Variants in CCDC158 observed in about 807,000 individuals in gnomAD.
CCDC158 encodes the protein coiled-coil domain-containing protein 158.
A neutral mutation model predicts 138.6 loss-of-function variants in CCDC158; 116 were observed. That is an observed-to-expected ratio of 0.84 (90% CI 0.72 to 0.98). The LOEUF is 0.98. Ranked by LOEUF, CCDC158 falls within the 50% of genes least tolerant of loss-of-function variation. The pLI is 0.00. For missense variants in CCDC158, 1,265 were observed against 1,306.1 expected, an observed-to-expected ratio of 0.97 and a Z score of 0.48; for synonymous variants, 436 against 442.4, an observed-to-expected ratio of 0.99 and a Z score of 0.18.
In CCDC158 at chr4:76,384,136, T is replaced by C. The variant is rs754279643; in HGVS notation, c.678A>G (p.Leu226=). 25 of 1,613,588 alleles carry C rather than the reference T, an allele frequency of 1.5e-5. No individual in the cohort carries two copies. Among genetic ancestry groups the C allele is most frequent in the Non-Finnish European group, 1.8e-5 (21 of 1,179,762 alleles). The change falls in exon 6 of 25, where the codon CTA becomes CTG. Residue 226 remains leucine, a synonymous_variant. Coordinates refer to ENST00000682701, the MANE Select transcript of CCDC158 (RefSeq NM_001394954.1). The part of the protein sequence containing the change: ...RSLGSAISKI[L]RELDTEISYL... Reference sequence around the variant, plus strand: ...AAGAAATCTCTGTGTCTAATTCTCTTAGTATTTTACTAATAGCTGAGCCCA... The same window carrying C: ...AAGAAATCTCTGTGTCTAATTCTCTCAGTATTTTACTAATAGCTGAGCCCA...
At position 76,408,190 on chromosome 4, in the gene CCDC158, ATAT is replaced by A. The variant is rs537548038; in HGVS notation, c.-74+3897_-74+3899del. Among the ~76,000 whole-genome samples the A allele has an allele frequency of 1.6e-3, 235 of 149,228 alleles. 2 individuals carry two copies. The highest frequency in any genetic ancestry group is 5.5e-3 in the African/African-American group (222 of 40,168). On this transcript the variant is annotated intron_variant, in intron 2 of 24. Transcript: ENST00000682701. ...TATATACATATATGTATATATATATATATTTTTTTATTATACTTTAAGTTCTAG... is the reference window on the plus strand; with the variant it reads ...TATATACATATATGTATATATATATATTTTTTATTATACTTTAAGTTCTAG...
intron 22 of CCDC158, among the ~76,000 whole-genome samples, chr4:76,328,190 T>G (rs1269160034): frequency 6.6e-6 from 1 of 152,222 alleles, no homozygotes; most frequent in African/African-American, 2.4e-5. Flanking sequence ...TATAATTCTT[T>G]GGAAATTTTA....
In CCDC158 at chr4:76,385,625, A is replaced by G. The variant is rs1454296855; in HGVS notation, c.289-960T>C. 1.3e-5 allele frequency among the ~76,000 whole-genome samples: 2 copies of G among 152,170 alleles called. 1 individual carries two copies. The highest frequency in any genetic ancestry group is 4.1e-4 in the South Asian group (2 of 4,834). ...GAAACAAAAAGTAAGAGATGTAGAGATTTAACCGAGGTGAAAATATGTTTC... is the reference window on the plus strand; with the variant it reads ...GAAACAAAAAGTAAGAGATGTAGAGGTTTAACCGAGGTGAAAATATGTTTC... On this transcript the variant is annotated intron_variant, in intron 4 of 24. Coordinates refer to ENST00000682701, the MANE Select transcript of CCDC158 (RefSeq NM_001394954.1).
intron 14 of CCDC158, among the ~76,000 whole-genome samples, chr4:76,355,651 A>G (rs920685699): frequency 6.6e-6 from 1 of 152,184 alleles, no homozygotes; most frequent in Admixed American, 6.6e-5. Flanking sequence ...GCTGGGAAAC[A>G]TACATATAAT....
intron 12 of CCDC158, among the ~76,000 whole-genome samples, 170 bp downstream of exon 12, chr4:76,367,124 C>T (rs1445189765): frequency 7.2e-6 from 1 of 139,196 alleles, no homozygotes; most frequent in Admixed American, 7.6e-5. Context: ...CTTCTATAAT[C>T]TGATAAAAGT....
chr4:76,350,456 G>A (rs1044765517), intron 18 of CCDC158, among the ~76,000 whole-genome samples: 5 of 152,040 alleles, frequency 3.3e-5, no homozygotes, highest in Non-Finnish European at 7.4e-5. Flanking sequence ...CAAGGGATTT[G>A]TGGTTTCATA....
rs369830193 is a variant in CCDC158 at position 76,329,190 on chromosome 4, T to C, written c.2943-223A>G. On this transcript the variant is annotated intron_variant, in intron 21 of 24. Coordinates refer to ENST00000682701, the MANE Select transcript of CCDC158 (RefSeq NM_001394954.1). ...GAACATTTTACAGAATGAAAATATA[T>C]AATCTTCATTAGAAAATCCATTTTT... Among the ~76,000 whole-genome samples the C allele has an allele frequency of 1.1e-3, 170 of 152,320 alleles. 2 individuals carry two copies. The South Asian group carries it at 0.019, about 17-fold the overall frequency.
At chr4:76,336,533 G>C (rs2110117643) in intron 18 of CCDC158, among the ~76,000 whole-genome samples, 1 of 152,158 alleles carries the variant, frequency 6.6e-6, no homozygotes, top group East Asian at 1.9e-4. Flanking sequence ...ATGCTTATCT[G>C]GCCTTTGCTT....
In CCDC158 at chr4:76,371,451, G is replaced by C. The variant is rs1725230768; in HGVS notation, c.1115C>G (p.Ser372Cys). The change falls in exon 10 of 25, where the codon TCT becomes TGT. Residue 372 changes from serine (S) to cysteine (C), a missense_variant. Transcript: ENST00000682701. Reference protein sequence around the residue: ...RTERDQFSQESGNLDDQLQKL... With the variant: ...RTERDQFSQECGNLDDQLQKL... ...TTGAAGTTGATCATCTAAATTTCCA[G>C]ATTCCTGACTGAATTGATCACGCTC... 6.2e-7 allele frequency: 1 copy of C among 1,614,028 alleles called. No homozygotes were observed. Among genetic ancestry groups the C allele is most frequent in the East Asian group, 2.2e-5 (1 of 44,870 alleles).
At chr4:76,344,876 AG>A in intron 18 of CCDC158, 1 of 1,567,718 alleles carries the variant, frequency 6.4e-7, no homozygotes, top group Non-Finnish European at 8.8e-7. Flanking sequence ...AGATGAAACA[AG>A]AACTGGAAGC....
At chr4:76,405,594 C>T (rs1190520931) in intron 2 of CCDC158, among the ~76,000 whole-genome samples, 2 of 151,942 alleles carry the variant, frequency 1.3e-5, no homozygotes, top group South Asian at 2.1e-4. Flanking sequence ...TTGAGAAAAA[C>T]AAAGGTGAGG....
chr4:76,340,906 C>T (rs892895258), intron 18 of CCDC158, among the ~76,000 whole-genome samples: 1 of 152,136 alleles, frequency 6.6e-6, no homozygotes, highest in Admixed American at 6.5e-5. Flanking sequence ...AGGTTGGGAA[C>T]TGCTGCCTTA....
At chr4:76,329,848 G>T (rs190823495) in intron 21 of CCDC158, among the ~76,000 whole-genome samples, 1 of 152,212 alleles carries the variant, frequency 6.6e-6, no homozygotes, top group Admixed American at 6.5e-5. Context: ...TTCTCCAGAA[G>T]CTCCATGATA....
chr4:76,353,372 C>T, intron 15 of CCDC158, 91 bp from the exon 16 acceptor site: 1 of 1,002,214 alleles, frequency 1.0e-6, no homozygotes, highest in Non-Finnish European at 1.4e-6. Context: ...TTTAAAGGAC[C>T]CTGAACTAGG....
intron 10 of CCDC158, among the ~76,000 whole-genome samples, chr4:76,370,601 A>G (rs1439312187): frequency 6.6e-6 from 1 of 152,212 alleles, no homozygotes. Context: ...GGAGACTGCC[A>G]TGCTTCAGGC....
In CCDC158 at chr4:76,355,258, A is replaced by G. The variant is rs148564761; in HGVS notation, c.2286+66T>C. Reference sequence around the variant, plus strand: ...TGCACTTGCATCTCTGCTTCATCTTATTCTGCCTCGTGGTCTGCCTGTGAG... The same window carrying G: ...TGCACTTGCATCTCTGCTTCATCTTGTTCTGCCTCGTGGTCTGCCTGTGAG... On this transcript the variant is annotated intron_variant, in intron 15 of 24. Transcript: ENST00000682701. 7.2e-5 allele frequency: 72 copies of G among 1,004,980 alleles called. No individual in the cohort carries two copies. The East Asian group carries it at 1.3e-3, about 18-fold the overall frequency. 62.3% of individuals were successfully genotyped at this position (1,004,980 alleles called of 1,614,324 possible).
At chr4:76,350,122 T>A (rs931893182) in intron 18 of CCDC158, among the ~76,000 whole-genome samples, 5 of 152,250 alleles carry the variant, frequency 3.3e-5, no homozygotes, top group Non-Finnish European at 5.9e-5. Context: ...AGCAGTCTCC[T>A]GCCCTTCCCC....
chr4:76,355,422 T>C lies in CCDC158; in HGVS notation c.2188A>G (p.Met730Val), dbSNP rs761172085. 15 of 1,612,560 alleles carry C rather than the reference T, an allele frequency of 9.3e-6. No individual in the cohort carries two copies. The highest frequency in any genetic ancestry group is 3.3e-5 in the South Asian group (3 of 91,040). The change falls in exon 15 of 25, where the codon ATG (methionine) becomes GTG (valine). Residue 730 changes from methionine to valine, a missense_variant. Coordinates refer to ENST00000682701, the MANE Select transcript of CCDC158 (RefSeq NM_001394954.1). ...GSDGHAMKVAMGMQKQITAKR... is the reference protein window; with the variant it reads ...GSDGHAMKVAVGMQKQITAKR... ...GCTGTGATTTGCTTTTGCATCCCCA[T>C]TGCCACTTTCATAGCTGGAAAAAAA...
At position 76,351,788 on chromosome 4, in the gene CCDC158, G is replaced by A. The variant is rs757803416; in HGVS notation, c.2470C>T (p.Gln824Ter). The change falls in exon 17 of 25, where the codon CAA becomes TAA. Residue 824 changes from glutamine to a stop codon, truncating the protein, a stop_gained. Coordinates refer to ENST00000682701, the MANE Select transcript of CCDC158 (RefSeq NM_001394954.1). LOFTEE classifies it high-confidence loss of function. ...TGCTCCTGACGCTGTATTATATCTT[G>A]ACATTCTGCAAACTGCAAAGATGCC... ...DKASLQFAEC[Q>*]DIIQRQEQES... is the part of the protein sequence containing the mutation. The A allele has an allele frequency of 2.5e-6, 4 of 1,611,864 alleles. No homozygotes were observed. The East Asian group carries it at 6.7e-5, about 27-fold the overall frequency.
Sources: gnomAD v4.1 joint callset for allele counts (sites outside exome capture counted in the v4.1 genomes callset) on GRCh38, gnomAD v4.1.1 for gene constraint, MANE v1.5 for transcripts, NCBI Gene and HGNC (gene_info 2026-07-23, HGNC 2026-07-21) for gene names.